Variants in CLIC4 observed in about 807,000 individuals in gnomAD.
The protein encoded by CLIC4 is chloride intracellular channel protein 4.
In CLIC4, 13 loss-of-function variants were observed where a neutral mutation model predicts 24.6. That is an observed-to-expected ratio of 0.53 (90% CI 0.34 to 0.84). The LOEUF is 0.84. Ranked by LOEUF, CLIC4 falls within the 40% of genes least tolerant of loss-of-function variation. The pLI is 0.01. For missense variants in CLIC4, 227 were observed against 301.7 expected (o/e 0.75, Z 1.83); for synonymous variants, 104 against 111.3 (o/e 0.93, Z 0.41).
chr1:24,813,665 C>T (rs181768527), intron 2 of CLIC4, among the ~76,000 whole-genome samples: 15 of 149,154 alleles, frequency 1.0e-4, no homozygotes, highest in East Asian at 6.1e-4. Flanking sequence ...GTGATCCACC[C>T]GCCTCGGCCT....
At chr1:24,816,512 G>A (rs1267714602) in intron 3 of CLIC4, among the ~76,000 whole-genome samples, 1 of 152,024 alleles carries the variant, frequency 6.6e-6, no homozygotes, top group Admixed American at 6.6e-5. Context: ...CAAAGTGCTG[G>A]GATTACAGGT....
At chr1:24,783,519 T>C (rs1285667077) in intron 1 of CLIC4, among the ~76,000 whole-genome samples, 1 of 152,014 alleles carries the variant, frequency 6.6e-6, no homozygotes, top group African/African-American at 2.4e-5. Context: ...CTGGGCAACA[T>C]AGCAAAACCT....
At chr1:24,800,490 G>C (rs1452376163) in intron 2 of CLIC4, among the ~76,000 whole-genome samples, 1 of 151,384 alleles carries the variant, frequency 6.6e-6, no homozygotes, top group Non-Finnish European at 1.5e-5. Flanking sequence ...GGGAGGTGAG[G>C]GGCGCCTCTG....
chr1:24,756,124 C>G (rs533890558), intron 1 of CLIC4, among the ~76,000 whole-genome samples: 2 of 151,444 alleles, frequency 1.3e-5, no homozygotes, highest in Non-Finnish European at 2.9e-5. Flanking sequence ...CTCAGCCTCC[C>G]GAGTAGCTGG....
At chr1:24,821,362 T>C (rs1455030250) in intron 3 of CLIC4, among the ~76,000 whole-genome samples, 1 of 152,198 alleles carries the variant, frequency 6.6e-6, no homozygotes, top group Non-Finnish European at 1.5e-5. Context: ...CATTTTCATA[T>C]TGCTTTTTTA....
At chr1:24,779,556 T>C (rs962066732) in intron 1 of CLIC4, among the ~76,000 whole-genome samples, 5 of 152,170 alleles carry the variant, frequency 3.3e-5, no homozygotes, top group Admixed American at 6.5e-5. Context: ...TTTATAGCCC[T>C]CCATACTTGA....
intron 1 of CLIC4, among the ~76,000 whole-genome samples, chr1:24,760,583 C>G (rs528109248): frequency 2.0e-5 from 3 of 152,148 alleles, no homozygotes; most frequent in African/African-American, 7.2e-5. Flanking sequence ...GCTGATATTT[C>G]CTTCACTTGA....
intron 1 of CLIC4, among the ~76,000 whole-genome samples, chr1:24,779,384 C>T (rs1179747123): frequency 2.0e-5 from 3 of 152,224 alleles, no homozygotes; most frequent in Admixed American, 6.5e-5. Flanking sequence ...GTGGGAGGAT[C>T]GCTTGAACCC....
intron 1 of CLIC4, 147 bp downstream of exon 1, chr1:24,745,772 C>G: frequency 1.9e-6 from 1 of 538,486 alleles, no homozygotes; most frequent in Admixed American, 4.5e-5. Context: ...GGCCCATTGT[C>G]TGGGGGCCGC....
At chr1:24,801,091 T>C (rs1489279503) in intron 2 of CLIC4, among the ~76,000 whole-genome samples, 2 of 143,156 alleles carry the variant, frequency 1.4e-5, no homozygotes, top group Admixed American at 7.0e-5. Flanking sequence ...AAAAAAAGAA[T>C]AGTTGTATTA....
chr1:24,840,715 G>A (rs374249426), intron 5 of CLIC4, 58 bp from the exon 6 acceptor site: 2 of 1,387,688 alleles, frequency 1.4e-6, no homozygotes, highest in Non-Finnish European at 2.0e-6. Flanking sequence ...TCAGAGATAT[G>A]TCTAGTTTAC....
intron 1 of CLIC4, among the ~76,000 whole-genome samples, chr1:24,759,394 A>G (rs1227165233): frequency 6.6e-6 from 1 of 152,092 alleles, no homozygotes; most frequent in Non-Finnish European, 1.5e-5. Context: ...CCAAGTAGAC[A>G]GTCAGATGGT....
At chr1:24,827,270 A>G (rs1168325275) in intron 4 of CLIC4, among the ~76,000 whole-genome samples, 154 bp downstream of exon 4, 8 of 152,276 alleles carry the variant, frequency 5.3e-5, no homozygotes, top group Non-Finnish European at 7.3e-5. Flanking sequence ...AAATTGGACA[A>G]TAAACTGGAA....
chr1:24,766,427 T>C (rs922945195), intron 1 of CLIC4, among the ~76,000 whole-genome samples: 69 of 146,832 alleles, frequency 4.7e-4, no homozygotes, highest in African/African-American at 1.6e-3. Context: ...CCACTGCACC[T>C]TTTTTCTTTT....
chr1:24,802,935 C>T (rs1197888626), intron 2 of CLIC4, among the ~76,000 whole-genome samples: 1 of 152,040 alleles, frequency 6.6e-6, no homozygotes, highest in African/African-American at 2.4e-5. Context: ...TCTTGAACTC[C>T]TGGGCTCAAG....
At chr1:24,814,303 C>T (rs1360359119) in intron 3 of CLIC4, 84 bp downstream of exon 3, 38 of 1,426,900 alleles carry the variant, frequency 2.7e-5, no homozygotes, top group Non-Finnish European at 3.6e-5. Context: ...TTTCTCGCAG[C>T]ATTAATTTGG....
intron 1 of CLIC4, among the ~76,000 whole-genome samples, chr1:24,767,024 T>TAAAAAAA (rs34142565): frequency 3.4e-4 from 24 of 71,036 alleles, no homozygotes; most frequent in African/African-American, 1.1e-3. Flanking sequence ...GCTGATGAGC[T>TAAAAAAA]AAAAAAAAAA....
At chr1:24,781,247 G>A (rs549812553) in intron 1 of CLIC4, among the ~76,000 whole-genome samples, 21 of 147,564 alleles carry the variant, frequency 1.4e-4, no homozygotes, top group Non-Finnish European at 2.7e-4. Context: ...CGATTATCCT[G>A]CCTCAGCCTC....
chr1:24,767,597 A>G (rs1439079383), intron 1 of CLIC4, among the ~76,000 whole-genome samples: 1 of 152,168 alleles, frequency 6.6e-6, no homozygotes, highest in Non-Finnish European at 1.5e-5. Flanking sequence ...TCCTGTTGAC[A>G]CTTACTAGGT....
Sources: gnomAD v4.1 joint callset for allele counts (sites outside exome capture counted in the v4.1 genomes callset) on GRCh38, gnomAD v4.1.1 for gene constraint, MANE v1.5 for transcripts, NCBI Gene and HGNC (gene_info 2026-07-23, HGNC 2026-07-21) for gene names.